LDLRAD4: variants seen among roughly 807,000 people sequenced by gnomAD.
LDLRAD4 encodes the protein low density lipoprotein receptor class A domain containing 4, also known as low-density lipoprotein receptor class A domain-containing protein 4.
LDLRAD4 carries 5 observed loss-of-function variants against 17.0 expected under a neutral mutation model. The observed-to-expected ratio is 0.29, with a 90% CI of 0.15 to 0.62. The LOEUF (loss-of-function observed/expected upper bound fraction) is 0.62. LDLRAD4 is among the 20% of genes least tolerant of loss of function. LDLRAD4 has a pLI of 0.84. For missense variants in LDLRAD4, 340 were observed against 424.7 expected (o/e 0.80, Z 1.75); for synonymous variants, 168 against 171.8 (o/e 0.98, Z 0.17).
At chr18:13,625,972 C>T (rs1179303898) in intron 4 of LDLRAD4, among the ~76,000 whole-genome samples, 2 of 151,638 alleles carry the variant, frequency 1.3e-5, no homozygotes, top group Non-Finnish European at 2.9e-5. Flanking sequence ...GTCCCAAAGC[C>T]AGTCAACCTT....
intron 3 of LDLRAD4, among the ~76,000 whole-genome samples, chr18:13,559,802 A>G (rs2094521636): frequency 6.6e-6 from 1 of 152,204 alleles, no homozygotes; most frequent in Non-Finnish European, 1.5e-5. Context: ...TCCTGGACTC[A>G]GTTGCCCATG....
intron 2 of LDLRAD4, among the ~76,000 whole-genome samples, chr18:13,409,105 T>C (rs1340611569): frequency 1.3e-5 from 2 of 152,178 alleles, no homozygotes; most frequent in Non-Finnish European, 2.9e-5. Context: ...AAGAGCTGGG[T>C]TCTGCCTGTT....
chr18:13,425,910 G>A (rs1432981158), intron 2 of LDLRAD4: 1 of 152,762 alleles, frequency 6.5e-6, no homozygotes, highest in Non-Finnish European at 1.5e-5. Context: ...AGGCTGGGGT[G>A]AGGGGTGAGG....
chr18:13,408,528 A>C (rs545965417), intron 2 of LDLRAD4, among the ~76,000 whole-genome samples: 35 of 151,876 alleles, frequency 2.3e-4, no homozygotes, highest in Non-Finnish European at 5.0e-4. Flanking sequence ...GCTAGAGTGC[A>C]GTGGCGTGAT....
chr18:13,588,296 A>G (rs1359476370), intron 3 of LDLRAD4, among the ~76,000 whole-genome samples: 2 of 152,074 alleles, frequency 1.3e-5, no homozygotes, highest in African/African-American at 2.4e-5. Flanking sequence ...TCTCCTTTTC[A>G]ATAATTTCAT....
intron 1 of LDLRAD4, among the ~76,000 whole-genome samples, chr18:13,251,641 A>G (rs1337796633): frequency 6.6e-6 from 1 of 152,208 alleles, no homozygotes; most frequent in Non-Finnish European, 1.5e-5. Flanking sequence ...AATTTAAAAT[A>G]CCTAGGGATA....
intron 1 of LDLRAD4, among the ~76,000 whole-genome samples, chr18:13,380,135 G>A (rs532293873): frequency 5.3e-5 from 8 of 152,324 alleles, no homozygotes; most frequent in Non-Finnish European, 8.8e-5. Flanking sequence ...TGCTCAGACC[G>A]GGCTCAGACC....
chr18:13,472,845 A>G (rs1275383689), intron 3 of LDLRAD4: 2 of 152,242 alleles, frequency 1.3e-5, no homozygotes, highest in Non-Finnish European at 2.9e-5. Flanking sequence ...AACAGCGAGC[A>G]CATCTGAGCA....
At chr18:13,523,156 G>A (rs1392347890) in intron 3 of LDLRAD4, among the ~76,000 whole-genome samples, 1 of 152,232 alleles carries the variant, frequency 6.6e-6, no homozygotes, top group Non-Finnish European at 1.5e-5. Context: ...CACACCCTGG[G>A]TGGTCTCCTT....
chr18:13,328,930 A>G (rs1365630583), intron 1 of LDLRAD4, among the ~76,000 whole-genome samples: 3 of 152,212 alleles, frequency 2.0e-5, no homozygotes, highest in African/African-American at 7.2e-5. Context: ...TGTGGAGTCT[A>G]TATACACTGT....
chr18:13,625,507 A>G (rs1225741023), intron 4 of LDLRAD4, among the ~76,000 whole-genome samples: 1 of 152,066 alleles, frequency 6.6e-6, no homozygotes, highest in Non-Finnish European at 1.5e-5. Context: ...GCTTAACCAG[A>G]CAGCATCACT....
In LDLRAD4 at chr18:13,300,262, C is replaced by T. The variant is rs1327025816; in HGVS notation, c.-383+22074C>T. 5.9e-5 allele frequency among the ~76,000 whole-genome samples: 9 copies of T among 152,172 alleles called. No individual in the cohort carries two copies. On this transcript the variant is annotated intron_variant, in intron 1 of 5. Transcript: ENST00000359446. The surrounding 1 kb of genome is among the most constrained non-coding windows in gnomAD (Gnocchi z 4.2). ...AGAGAGCCAGGCCCGCAGAGGGGGC[C>T]GGCAGCCTCTTCCCACTCTCCTGCC...
intron 2 of LDLRAD4, among the ~76,000 whole-genome samples, chr18:13,390,472 G>A (rs2086185032): frequency 6.6e-6 from 1 of 152,108 alleles, no homozygotes; most frequent in Admixed American, 6.5e-5. Context: ...CTACCACCTG[G>A]GTCTCACCCT....
intron 4 of LDLRAD4, among the ~76,000 whole-genome samples, chr18:13,635,172 C>T (rs1340268974): frequency 6.6e-6 from 1 of 152,224 alleles, no homozygotes. Context: ...GGCTTATAAA[C>T]AGCAAACACT....
At chr18:13,504,679 C>T (rs896623897) in intron 3 of LDLRAD4, among the ~76,000 whole-genome samples, 5 of 152,186 alleles carry the variant, frequency 3.3e-5, no homozygotes, top group African/African-American at 4.8e-5. Flanking sequence ...CTGCCTGCTT[C>T]GGCTACCCAA....
At chr18:13,370,677 G>A (rs573061377) in intron 1 of LDLRAD4, among the ~76,000 whole-genome samples, 1 of 150,318 alleles carries the variant, frequency 6.7e-6, no homozygotes, top group South Asian at 2.1e-4. Flanking sequence ...GCTGCCTTTA[G>A]ATGTAGGCAG....
chr18:13,605,023 C>T (rs1056033928), intron 3 of LDLRAD4, among the ~76,000 whole-genome samples: 2 of 152,104 alleles, frequency 1.3e-5, no homozygotes, highest in African/African-American at 2.4e-5. Context: ...AGAGAGAAAG[C>T]GGGGCCAGGC....
chr18:13,557,056 A>T lies in LDLRAD4; in HGVS notation c.182-64061A>T, dbSNP rs535573762. On this transcript the variant is annotated intron_variant, in intron 3 of 5. Transcript: ENST00000359446. ...ACACCTGTAATCCCAACACTTTGGG[A>T]TGCCAAGGCAGGAGGATCACTTGAG... Among the ~76,000 whole-genome samples, 5 of 152,316 alleles carry T rather than the reference A, an allele frequency of 3.3e-5. No homozygotes were observed. In the South Asian group the frequency reaches 1.0e-3, roughly 32 times the overall value.
chr18:13,533,581 A>G (rs1304913843), intron 3 of LDLRAD4, among the ~76,000 whole-genome samples: 2 of 152,214 alleles, frequency 1.3e-5, no homozygotes, highest in African/African-American at 4.8e-5. Flanking sequence ...TTGTACTTAC[A>G]AACGGTACTC....
Sources: gnomAD v4.1 joint callset for allele counts (sites outside exome capture counted in the v4.1 genomes callset) on GRCh38, gnomAD v4.1.1 for gene constraint, Gnocchi (gnomAD v3.1) non-coding constraint, MANE v1.5 for transcripts, NCBI Gene and HGNC (gene_info 2026-07-23, HGNC 2026-07-21) for gene names.